MCPH1: variants seen among roughly 807,000 people sequenced by gnomAD.
MCPH1 encodes microcephalin.
MCPH1 carries 104 observed loss-of-function variants against 84.5 expected under a neutral mutation model. The observed-to-expected ratio is 1.23, with a 90% confidence interval of 1.05 to 1.45. MCPH1 has a LOEUF of 1.45. Among genes scored for constraint, MCPH1 ranks in the 40% most tolerant of loss-of-function variants. MCPH1 has a pLI of 0.00. For missense variants in MCPH1, 1,498 were observed against 1,005.7 expected (o/e 1.49, Z -6.62); for synonymous variants, 514 against 366.8 (o/e 1.40, Z -4.58).
intron 4 of MCPH1, among the ~76,000 whole-genome samples, chr8:6,433,788 C>G (rs182250750): frequency 2.0e-4 from 31 of 152,192 alleles, no homozygotes; most frequent in Middle Eastern, 3.4e-3. Context: ...CTTTCCTTCT[C>G]TTTTCCAAAT....
intron 12 of MCPH1, among the ~76,000 whole-genome samples, chr8:6,612,305 C>A (rs1042040170): frequency 6.6e-6 from 1 of 152,172 alleles, no homozygotes; most frequent in Admixed American, 6.5e-5. Context: ...GCCAAGCCCC[C>A]CTTCCCCAAG....
chr8:6,596,923 T>C (rs1381584328), intron 12 of MCPH1, among the ~76,000 whole-genome samples: 1 of 152,178 alleles, frequency 6.6e-6, no homozygotes, highest in Non-Finnish European at 1.5e-5. Context: ...AACTCTTGTA[T>C]AGAGGATACG....
intron 13 of MCPH1, among the ~76,000 whole-genome samples, chr8:6,632,352 A>G (rs752059052): frequency 6.6e-6 from 1 of 152,226 alleles, no homozygotes; most frequent in African/African-American, 2.4e-5. Flanking sequence ...TGTTATGTCT[A>G]TCAAACTTTT....
intron 12 of MCPH1, among the ~76,000 whole-genome samples, chr8:6,545,909 T>C (rs1272109674): frequency 6.6e-6 from 1 of 152,232 alleles, no homozygotes; most frequent in Non-Finnish European, 1.5e-5. Context: ...TTTTGAGACA[T>C]AGTATAAAAA....
chr8:6,416,959 A>G (rs1799391569), intron 3 of MCPH1, among the ~76,000 whole-genome samples: 1 of 151,816 alleles, frequency 6.6e-6, no homozygotes, highest in African/African-American at 2.4e-5. Context: ...ACGCCATTGC[A>G]CTTTAGCCTG....
At chr8:6,618,015 A>G (rs547598414) in intron 12 of MCPH1, among the ~76,000 whole-genome samples, 1 of 151,990 alleles carries the variant, frequency 6.6e-6, no homozygotes, top group South Asian at 2.1e-4. Flanking sequence ...TAAGCAATCC[A>G]ACTACCTCAG....
At chr8:6,539,192 G>GGGTA (rs937530190) in intron 12 of MCPH1, among the ~76,000 whole-genome samples, 17 of 152,218 alleles carry the variant, frequency 1.1e-4, no homozygotes, top group African/African-American at 4.1e-4. Flanking sequence ...AGAGCCTGGG[G>GGGTA]GGTAGGCACA....
At chr8:6,625,521 G>C (rs1379571909) in intron 13 of MCPH1, 55 of 981,572 alleles carry the variant, frequency 5.6e-5, no homozygotes, top group East Asian at 1.1e-4. Context: ...AATCGAAAAA[G>C]AAGTTATTTT....
intron 12 of MCPH1, among the ~76,000 whole-genome samples, chr8:6,606,827 T>C (rs112071289): frequency 1.3e-3 from 201 of 152,326 alleles, no homozygotes; most frequent in African/African-American, 4.5e-3. Context: ...ATAAGTGTCA[T>C]AAGAGCTGAT....
At position 6,601,378 on chromosome 8, in the gene MCPH1, C is replaced by T. The variant is rs150264573; in HGVS notation, c.2215-20076C>T. Among the ~76,000 whole-genome samples the T allele has an allele frequency of 7.8e-4, 119 of 152,218 alleles. No homozygotes were observed. In the East Asian group the frequency reaches 0.011, roughly 15 times the overall value. On this transcript the variant is annotated intron_variant, in intron 12 of 13. Transcript: ENST00000344683. ...TCCTTAAACTGCCCTCCTCCTCTTC[C>T]GTCCAGCCACCTGGTTGCCTCCTGG... is the stretch of plus-strand genomic sequence containing the variant.
intron 12 of MCPH1, among the ~76,000 whole-genome samples, chr8:6,572,871 A>T (rs1826776907): frequency 6.6e-6 from 1 of 152,262 alleles, no homozygotes; most frequent in South Asian, 2.1e-4. Flanking sequence ...AGCCTCCCAA[A>T]CCACGTAAGG....
Position 6,647,024 on chromosome 8 carries a change from G to C in MCPH1, c.*3975G>C, listed in dbSNP as rs570281846. 2 of 151,918 alleles carry C rather than the reference G, an allele frequency of 1.3e-5. No homozygotes were observed. Among genetic ancestry groups the C allele is most frequent in the African/African-American group, 4.8e-5 (2 of 41,420 alleles). 9.4% of individuals were successfully genotyped at this position (151,918 alleles called of 1,614,324 possible). ...AAAAAAAATGAAAAGACAAGCCACA[G>C]ACTATGAAAAAATACTTGCAAATCA... On this transcript the variant is annotated 3_prime_UTR_variant, in exon 14 of 14. Coordinates refer to ENST00000344683, the MANE Select transcript of MCPH1 (RefSeq NM_024596.5).
chr8:6,490,002 T>C lies in MCPH1; in HGVS notation c.2136+9126T>C, dbSNP rs1810383550. ...ATCATGGCCTTCAAGGATCACACTG[T>C]TGGTCTTTCCTTTTCTTTTAACTTG... is the stretch of plus-strand genomic sequence containing the variant. On this transcript the variant is annotated intron_variant, in intron 11 of 13. Coordinates refer to ENST00000344683, the MANE Select transcript of MCPH1 (RefSeq NM_024596.5). Among the ~76,000 whole-genome samples, 3 of 152,202 alleles carry C rather than the reference T, an allele frequency of 2.0e-5. No individual in the cohort carries two copies. In the South Asian group the frequency reaches 6.2e-4, roughly 32 times the overall value.
In MCPH1 at chr8:6,574,929, C is replaced by CA. The variant is rs201007535; in HGVS notation, c.2215-46519dup. ...ATCAAGTTACAGATTCGAAAAACGGCAAAAAATGACAAACAGGATAAATAA... is the reference window on the plus strand; with the variant it reads ...ATCAAGTTACAGATTCGAAAAACGGCAAAAAAATGACAAACAGGATAAATAA... On this transcript the variant is annotated intron_variant, in intron 12 of 13. Transcript: ENST00000344683. 4.8e-3 allele frequency among the ~76,000 whole-genome samples: 735 copies of CA among 152,104 alleles called. 3 individuals are homozygous for CA. The highest frequency in any genetic ancestry group is 8.3e-3 in the Admixed American group (127 of 15,296).
chr8:6,516,250 A>G (rs566434315), intron 12 of MCPH1, among the ~76,000 whole-genome samples: 1 of 152,336 alleles, frequency 6.6e-6, no homozygotes, highest in East Asian at 1.9e-4. Context: ...TCATTGCTAC[A>G]CACCACTCTC....
chr8:6,446,823 G>T, intron 8 of MCPH1: 1 of 985,318 alleles, frequency 1.0e-6, no homozygotes, highest in Non-Finnish European at 1.2e-6. Context: ...AAATCCCCGT[G>T]TTGCTGGGAG....
At chr8:6,534,074 G>A (rs1251697125) in intron 12 of MCPH1, among the ~76,000 whole-genome samples, 1 of 152,074 alleles carries the variant, frequency 6.6e-6, no homozygotes, top group Non-Finnish European at 1.5e-5. Flanking sequence ...TGGTCACTAA[G>A]GCTGCCTCCC....
At chr8:6,494,637 G>A (rs1811042430) in intron 11 of MCPH1, 1 of 152,208 alleles carries the variant, frequency 6.6e-6, no homozygotes, top group Admixed American at 6.5e-5. Flanking sequence ...AGTGAAAGGA[G>A]CCAGACACAA....
At chr8:6,495,211 C>G (rs1048380679) in intron 11 of MCPH1, among the ~76,000 whole-genome samples, 1 of 152,120 alleles carries the variant, frequency 6.6e-6, no homozygotes, top group Non-Finnish European at 1.5e-5. Context: ...CCAATTTTTT[C>G]TCCTGAAGTT....
Sources: allele counts gnomAD v4.1 joint callset (sites outside exome capture counted in the v4.1 genomes callset), GRCh38; gene constraint gnomAD v4.1.1; transcripts MANE v1.5; gene names NCBI Gene and HGNC (gene_info 2026-07-23, HGNC 2026-07-21).